CTTNBP2: variants seen among roughly 807,000 people sequenced by gnomAD.
CTTNBP2 encodes cortactin binding protein 2, also known as cortactin-binding protein 2.
Under a neutral mutation model 156.9 loss-of-function variants are expected in CTTNBP2, and 108 were observed. The ratio of observed to expected loss-of-function variants is 0.69; its 90% CI spans 0.59 to 0.81. CTTNBP2 has a LOEUF of 0.81. Among genes scored for constraint, CTTNBP2 ranks in the 30% least tolerant of loss-of-function variants. CTTNBP2 has a pLI of 0.00. For missense variants in CTTNBP2, 1,924 were observed against 2,035.4 expected (o/e 0.95, Z 1.05); for synonymous variants, 767 against 751.8 (o/e 1.02, Z -0.33).
intron 12 of CTTNBP2, among the ~76,000 whole-genome samples, chr7:117,754,927 T>C (rs760245219): frequency 1.3e-5 from 2 of 152,236 alleles, no homozygotes; most frequent in African/African-American, 4.8e-5. Context: ...TTTATCATCT[T>C]AATGGATGAA....
At chr7:117,727,127 A>G (rs1017239832) in intron 17 of CTTNBP2, among the ~76,000 whole-genome samples, 19 of 152,242 alleles carry the variant, frequency 1.2e-4, no homozygotes, top group Admixed American at 6.5e-4. Flanking sequence ...TATATATTTA[A>G]TATAGTACTT....
At chr7:117,855,969 T>C (rs1330624570) in intron 2 of CTTNBP2, among the ~76,000 whole-genome samples, 1 of 152,216 alleles carries the variant, frequency 6.6e-6, no homozygotes, top group Admixed American at 6.5e-5. Flanking sequence ...CAAATCCTTA[T>C]TGAGGAAGGA....
intron 8 of CTTNBP2, among the ~76,000 whole-genome samples, 188 bp from the exon 9 acceptor site, chr7:117,767,364 A>G (rs190938181): frequency 6.6e-6 from 1 of 152,352 alleles, no homozygotes; most frequent in African/African-American, 2.4e-5. Context: ...TGCAAAACAA[A>G]GAGTGCTTAT....
At chr7:117,740,468 C>T (rs925664645) in intron 14 of CTTNBP2, among the ~76,000 whole-genome samples, 1 of 152,144 alleles carries the variant, frequency 6.6e-6, no homozygotes, top group Non-Finnish European at 1.5e-5. Flanking sequence ...ATTCAACCCA[C>T]ATAGTTTAAG....
rs1799534800 is a variant in CTTNBP2 at position 117,800,180 on chromosome 7, G to A, written c.415-7399C>T. Among the ~76,000 whole-genome samples, 4 of 151,688 alleles carry A rather than the reference G, an allele frequency of 2.6e-5. No individual in the cohort carries two copies. The South Asian group carries it at 8.3e-4, about 31-fold the overall frequency. Reference sequence around the variant, plus strand: ...AGGGAAGCCCAAAGGATTTAGACTAGCCAAACAATTTAGATAAAGCAAACA... The same window carrying A: ...AGGGAAGCCCAAAGGATTTAGACTAACCAAACAATTTAGATAAAGCAAACA... On this transcript the variant is annotated intron_variant, in intron 3 of 22. Coordinates refer to ENST00000160373, the MANE Select transcript of CTTNBP2 (RefSeq NM_033427.3).
At chr7:117,817,361 A>ATAAATATATAT (rs1298639361) in intron 2 of CTTNBP2, among the ~76,000 whole-genome samples, 26 of 53,312 alleles carry the variant, frequency 4.9e-4, no homozygotes, top group East Asian at 1.8e-3. Flanking sequence ...AAAAAAAAAA[A>ATAAATATATAT]ATATATATAT....
intron 22 of CTTNBP2, chr7:117,712,365 G>A (rs1794107041): frequency 6.6e-6 from 1 of 152,248 alleles, no homozygotes; most frequent in African/African-American, 2.4e-5. Context: ...CCTGGTCAAT[G>A]TCTCTCATTT....
chr7:117,831,372 A>T (rs1274056609), intron 2 of CTTNBP2, among the ~76,000 whole-genome samples: 1 of 151,774 alleles, frequency 6.6e-6, no homozygotes, highest in Non-Finnish European at 1.5e-5. Context: ...ATTTCTCCAG[A>T]TGATTCTGGA....
At chr7:117,793,207 C>A (rs1001481991) in intron 3 of CTTNBP2, among the ~76,000 whole-genome samples, 10 of 152,136 alleles carry the variant, frequency 6.6e-5, no homozygotes, top group African/African-American at 2.2e-4. Flanking sequence ...GTACTGAAAA[C>A]CGAGGACTTC....
chr7:117,712,454 C>T (rs1253392261), intron 22 of CTTNBP2: 2 of 152,126 alleles, frequency 1.3e-5, no homozygotes, highest in African/African-American at 4.8e-5. Context: ...GGGACAAGAC[C>T]TCAGGTCTCC....
intron 2 of CTTNBP2, among the ~76,000 whole-genome samples, chr7:117,853,685 A>G (rs557308404): frequency 6.6e-6 from 1 of 152,272 alleles, no homozygotes; most frequent in South Asian, 2.1e-4. Context: ...GTTTCATTCT[A>G]TTTGTAACCC....
intron 2 of CTTNBP2, among the ~76,000 whole-genome samples, chr7:117,843,320 T>C (rs766451461): frequency 6.6e-6 from 1 of 152,146 alleles, no homozygotes; most frequent in Non-Finnish European, 1.5e-5. Flanking sequence ...ATATCAGATA[T>C]TGATAAATGT....
chr7:117,840,342 G>A (rs10273158), intron 2 of CTTNBP2, among the ~76,000 whole-genome samples: 12,061 of 151,872 alleles, frequency 0.079, 1,302 homozygotes, highest in African/African-American at 0.24. Flanking sequence ...TTGGGGTCAG[G>A]CAAATAATAG....
chr7:117,794,870 T>TC (rs1799224016), intron 3 of CTTNBP2, among the ~76,000 whole-genome samples: 2 of 143,730 alleles, frequency 1.4e-5, no homozygotes, highest in Non-Finnish European at 1.5e-5. Context: ...TGTTTTTATA[T>TC]GTATATCTTT....
chr7:117,873,254 A>T (rs979296757), intron 1 of CTTNBP2, 81 bp downstream of exon 1: 5 of 1,096,732 alleles, frequency 4.6e-6, no homozygotes, highest in Non-Finnish European at 5.9e-6. Context: ...GGGGGTGCGA[A>T]GTCGGGTCCG....
At position 117,873,431 on chromosome 7, in the gene CTTNBP2, G is replaced by A; in HGVS notation, c.-16C>T. The A allele has an allele frequency of 6.8e-7, 1 of 1,471,294 alleles. No individual in the cohort carries two copies. The allele number at this position is 1,471,294 out of a possible 1,614,324, so 91.1% of individuals were successfully genotyped here. A position where few individuals can be genotyped will look rare whatever the true frequency, so the allele number is the denominator to read the frequency against. On this transcript the variant is annotated 5_prime_UTR_variant, in exon 1 of 23. Coordinates refer to ENST00000160373, the MANE Select transcript of CTTNBP2 (RefSeq NM_033427.3). ...CCGTCGCCATCTTCCTGCTCTAGCG[G>A]ATCCGAATGCGAGCTCGGAGCCGCG...
At chr7:117,858,131 A>G (rs568522085) in intron 2 of CTTNBP2, among the ~76,000 whole-genome samples, 9 of 152,300 alleles carry the variant, frequency 5.9e-5, no homozygotes, top group East Asian at 3.9e-4. Context: ...AGCACTTTGG[A>G]AGGCCAAGGC....
At chr7:117,742,635 G>C (rs892170380) in intron 14 of CTTNBP2, among the ~76,000 whole-genome samples, 8 of 152,172 alleles carry the variant, frequency 5.3e-5, no homozygotes, top group African/African-American at 1.9e-4. Flanking sequence ...GTAAGATGGT[G>C]CTGATGGAAA....
chr7:117,832,923 T>C (rs1353440515), intron 2 of CTTNBP2, among the ~76,000 whole-genome samples: 1 of 151,798 alleles, frequency 6.6e-6, no homozygotes, highest in Non-Finnish European at 1.5e-5. Context: ...TTTTTTCTTT[T>C]TTTTTGTACT....
Sources: gnomAD v4.1 joint callset for allele counts (sites outside exome capture counted in the v4.1 genomes callset) on GRCh38, gnomAD v4.1.1 for gene constraint, MANE v1.5 for transcripts, NCBI Gene and HGNC (gene_info 2026-07-23, HGNC 2026-07-21) for gene names.